Variants in CCNB3 observed in about 807,000 individuals in gnomAD.
The protein encoded by CCNB3 is cyclin B3.
A neutral mutation model predicts 68.0 loss-of-function variants in CCNB3; 12 were observed. The ratio of observed to expected loss-of-function variants is 0.18; its 90% CI spans 0.11 to 0.29. The LOEUF (loss-of-function observed/expected upper bound fraction) is 0.29, where lower values mean the gene tolerates loss of function less well. Ranked by LOEUF, CCNB3 falls within the 10% of genes least tolerant of loss-of-function variation. The pLI is 1.00. For missense variants in CCNB3, 904 were observed against 993.1 expected (o/e 0.91, Z 1.21); for synonymous variants, 354 against 388.9 (o/e 0.91, Z 1.06).
In CCNB3 at chrX:50,226,246, G is replaced by C. The variant is rs1479681830; in HGVS notation, c.-113+21296G>C. Among the ~76,000 whole-genome samples the C allele has an allele frequency of 3.0e-4, 18 of 59,793 alleles. 1 individual carries two copies. Among genetic ancestry groups the C allele is most frequent in the African/African-American group, 1.3e-3 (17 of 13,287 alleles). 51.9% of individuals were successfully genotyped at this position (59,793 alleles called of 115,157 possible). On this transcript the variant is annotated intron_variant, in intron 1 of 12. Transcript: ENST00000376042. ...TAGAATATATATATTTATATATATA[G>C]AATATATATATTTATATATATAGAA...
Position 50,309,098 on chromosome X carries a change from G to A in CCNB3, c.929G>A (p.Cys310Tyr). The A allele has an allele frequency of 1.7e-6, 2 of 1,208,996 alleles. No individual in the cohort carries two copies. Among genetic ancestry groups the A allele is most frequent in the East Asian group, 3.0e-5 (1 of 33,830 alleles). ...RKPPVLQTTI[C>Y]GAMSSIKKPT... ...CCACCAGTATTGCAGACAACCATCT[G>A]TGGAGCAATGTCCTCCATTAAGAAG... The change falls in exon 6 of 13, where the codon TGT becomes TAT. Residue 310 changes from cysteine (C) to tyrosine (Y), a missense_variant. By Grantham distance (194) the Cys-to-Tyr change is radical. This residue lies in a region of CCNB3 where 619 missense variants were observed against 609.8 expected (regional missense o/e 1.02). Transcript: ENST00000376042.
rs1225041173 is a variant in CCNB3 at position 50,279,439 on chromosome X, TATATAA to T, written c.-112-5097_-112-5092del. On this transcript the variant is annotated intron_variant, in intron 1 of 12. Transcript: ENST00000376042. The stretch of plus-strand genomic sequence containing the variant: ...AAATATATAAATATATATAAATATA[TATATAA>T]ATATATAAATATATATAAATATATA... 4.3e-3 allele frequency among the ~76,000 whole-genome samples: 310 copies of T among 72,293 alleles called. 2 individuals carry two copies. The highest frequency in any genetic ancestry group is 0.015 in the African/African-American group (306 of 20,196). The allele number at this position is 72,293 out of a possible 115,157, so 62.8% of individuals were successfully genotyped here.
intron 1 of CCNB3, among the ~76,000 whole-genome samples, chrX:50,279,581 AATAT>A (rs1368307870): frequency 3.5e-4 from 31 of 87,694 alleles, no homozygotes; most frequent in African/African-American, 1.3e-3. Context: ...TCTATATATA[AATAT>A]ATATTCATAT....
chrX:50,332,773 G>A (rs1169683603), intron 8 of CCNB3, among the ~76,000 whole-genome samples: 4 of 111,652 alleles, frequency 3.6e-5, no homozygotes, highest in African/African-American at 6.5e-5. Flanking sequence ...TCCACACGTG[G>A]TCACCTGGAG....
intron 8 of CCNB3, among the ~76,000 whole-genome samples, chrX:50,324,579 A>C (rs1223294758): frequency 8.9e-6 from 1 of 112,095 alleles, no homozygotes; most frequent in Non-Finnish European, 1.9e-5. Context: ...GAACCAGCTC[A>C]TGGGTAAATA....
Position 50,209,623 on chromosome X carries a change from C to T in CCNB3, c.-113+4673C>T, listed in dbSNP as rs1394620779. Among the ~76,000 whole-genome samples, 5 of 111,865 alleles carry T rather than the reference C, an allele frequency of 4.5e-5. No homozygotes were observed. The East Asian group carries it at 1.4e-3, about 31-fold the overall frequency. ...CACCCGCCTTGGTCTCCCAAAGTGTCGGGATTACAGGCATGAGCCACTGCG... is the reference window on the plus strand; with the variant it reads ...CACCCGCCTTGGTCTCCCAAAGTGTTGGGATTACAGGCATGAGCCACTGCG... On this transcript the variant is annotated intron_variant, in intron 1 of 12. Coordinates refer to ENST00000376042, the MANE Select transcript of CCNB3 (RefSeq NM_033031.3).
In CCNB3 at chrX:50,291,432, A is replaced by C. The variant is rs782819855; in HGVS notation, c.204+2545A>C. On this transcript the variant is annotated intron_variant, in intron 4 of 12. Transcript: ENST00000376042. ...GATTGCCACCATGCCCAGCTAATTTATGTATTCTTTTTGTAGAGATGGGAT... is the reference window on the plus strand; with the variant it reads ...GATTGCCACCATGCCCAGCTAATTTCTGTATTCTTTTTGTAGAGATGGGAT... Among the ~76,000 whole-genome samples the C allele has an allele frequency of 4.2e-3, 467 of 111,124 alleles. 2 individuals are homozygous for C. The highest frequency in any genetic ancestry group is 0.014 in the African/African-American group (433 of 30,630).
chrX:50,336,113 C>T (rs1364550419), intron 8 of CCNB3, among the ~76,000 whole-genome samples: 2 of 111,908 alleles, frequency 1.8e-5, no homozygotes, highest in Non-Finnish European at 3.8e-5. Context: ...GCGCTTGAGC[C>T]GGGTCCCCTT....
intron 5 of CCNB3, among the ~76,000 whole-genome samples, chrX:50,298,800 C>G (rs1936546912): frequency 9.0e-6 from 1 of 111,544 alleles, no homozygotes; most frequent in Admixed American, 9.5e-5. Flanking sequence ...ATTATTGCCT[C>G]AATTTCAGAG....
intron 8 of CCNB3, among the ~76,000 whole-genome samples, chrX:50,323,247 T>C (rs782742476): frequency 3.4e-3 from 375 of 111,174 alleles, no homozygotes; most frequent in Non-Finnish European, 4.9e-3. Flanking sequence ...CCATAAAAAA[T>C]GATGAGTTCA....
In CCNB3 at chrX:50,309,496, A is replaced by C; in HGVS notation, c.1327A>C (p.Thr443Pro). 1 of 1,211,463 alleles carries C rather than the reference A, an allele frequency of 8.3e-7. No individual in the cohort carries two copies. The highest frequency in any genetic ancestry group is 1.1e-6 in the Non-Finnish European group (1 of 895,394). Residue 443 changes from threonine (T) to proline (P), a missense_variant, in exon 6 of 13, where the codon ACC becomes CCC. Transcript: ENST00000376042. ...QEPSALQKKH[T>P]TQEEVSILKE... Reference sequence around the variant, plus strand: ...ACCATCTGCATTGCAAAAGAAGCACACCACTCAGGAGGAGGTTTCCATCTT... The same window carrying C: ...ACCATCTGCATTGCAAAAGAAGCACCCCACTCAGGAGGAGGTTTCCATCTT...
intron 1 of CCNB3, among the ~76,000 whole-genome samples, chrX:50,215,359 T>C (rs1057157086): frequency 1.8e-5 from 2 of 111,617 alleles, no homozygotes; most frequent in Non-Finnish European, 1.9e-5. Context: ...TACTGTGTTA[T>C]GAGTTCAATT....
At chrX:50,321,999 G>A (rs1346441718) in intron 8 of CCNB3, among the ~76,000 whole-genome samples, 1 of 106,361 alleles carries the variant, frequency 9.4e-6, no homozygotes, top group Admixed American at 1.0e-4. Context: ...TTTTTTAAAT[G>A]TTATGAGTGT....
chrX:50,328,748 G>A (rs183307173), intron 8 of CCNB3, among the ~76,000 whole-genome samples: 231 of 111,944 alleles, frequency 2.1e-3, no homozygotes, highest in African/African-American at 6.4e-3. Flanking sequence ...TCTGAGACAA[G>A]GCAAGTTCCT....
intron 1 of CCNB3, among the ~76,000 whole-genome samples, chrX:50,279,518 T>C (rs1157841867): frequency 3.6e-5 from 3 of 83,882 alleles, no homozygotes; most frequent in Non-Finnish European, 6.5e-5. Flanking sequence ...TATTTATTCA[T>C]ATAAAGATAT....
chrX:50,213,907 A>G (rs1448174370), intron 1 of CCNB3, among the ~76,000 whole-genome samples: 1 of 111,800 alleles, frequency 8.9e-6, no homozygotes, highest in Non-Finnish European at 1.9e-5. Context: ...TATTAATACA[A>G]AGAACTGCAT....
intron 1 of CCNB3, among the ~76,000 whole-genome samples, chrX:50,210,926 A>G (rs1935472411): frequency 1.8e-5 from 2 of 111,490 alleles, no homozygotes; most frequent in East Asian, 2.8e-4. Flanking sequence ...TCCCTGTCAA[A>G]CCAACAAACT....
In CCNB3 at chrX:50,297,049, G is replaced by A. The variant is rs1175561119; in HGVS notation, c.335+2056G>A. Among the ~76,000 whole-genome samples the A allele has an allele frequency of 4.0e-4, 45 of 111,170 alleles. 1 individual carries two copies. Among genetic ancestry groups the A allele is most frequent in the Non-Finnish European group, 7.2e-4 (38 of 52,980 alleles). On this transcript the variant is annotated intron_variant, in intron 5 of 12. Coordinates refer to ENST00000376042, the MANE Select transcript of CCNB3 (RefSeq NM_033031.3). ...TATTAGCCCTTTGTCAGATGAGTAG[G>A]TTGCAAAAATTTTCTCCCATTCTGT... is the stretch of plus-strand genomic sequence containing the variant.
At chrX:50,217,032 T>A (rs1935582879) in intron 1 of CCNB3, among the ~76,000 whole-genome samples, 1 of 111,562 alleles carries the variant, frequency 9.0e-6, no homozygotes, top group South Asian at 3.7e-4. Flanking sequence ...ATGTTCTAAT[T>A]TTTGCCATAA....
Sources: allele counts gnomAD v4.1 joint callset (sites outside exome capture counted in the v4.1 genomes callset), GRCh38; gene constraint gnomAD v4.1.1; regional missense constraint gnomAD v4.1.1; transcripts MANE v1.5; gene names NCBI Gene and HGNC (gene_info 2026-07-23, HGNC 2026-07-21).